The following TMEM163 variants were observed in gnomAD, a reference collection of about 807,000 sequenced individuals.
The protein encoded by TMEM163 is transmembrane protein 163.
Under a neutral mutation model 29.3 loss-of-function variants are expected in TMEM163, and 17 were observed. That is an observed-to-expected ratio of 0.58 (90% confidence interval 0.40 to 0.87). The LOEUF is 0.87. Ranked by LOEUF, TMEM163 falls within the 40% of genes least tolerant of loss-of-function variation. The pLI, the probability that TMEM163 is intolerant of heterozygous loss-of-function variation, is 0.00. For missense variants in TMEM163, 303 were observed against 381.5 expected, an observed-to-expected ratio of 0.79 and a Z score of 1.71; for synonymous variants, 157 against 160.6, an observed-to-expected ratio of 0.98 and a Z score of 0.17.
At chr2:134,504,122 C>T (rs758196743) in intron 4 of TMEM163, among the ~76,000 whole-genome samples, 1 of 152,064 alleles carries the variant, frequency 6.6e-6, no homozygotes, top group Non-Finnish European at 1.5e-5. Flanking sequence ...AACAGCATGG[C>T]CCCAAATTGC....
At chr2:134,512,864 G>C (rs777160195) in intron 4 of TMEM163, among the ~76,000 whole-genome samples, 2 of 152,214 alleles carry the variant, frequency 1.3e-5, no homozygotes, top group African/African-American at 2.4e-5. Context: ...TGTTCACCAA[G>C]GGCAGAAACA....
chr2:134,551,550 G>A (rs1451394347), intron 3 of TMEM163, among the ~76,000 whole-genome samples: 3 of 152,160 alleles, frequency 2.0e-5, no homozygotes, highest in Admixed American at 6.5e-5. Flanking sequence ...GGGGCCTGGG[G>A]AAACTTCACC....
intron 2 of TMEM163, among the ~76,000 whole-genome samples, chr2:134,656,572 C>T (rs1431250044): frequency 6.6e-6 from 1 of 152,204 alleles, no homozygotes; most frequent in South Asian, 2.1e-4. Flanking sequence ...TGGCTCCTCC[C>T]CCCGCCTTCT....
At chr2:134,467,443 G>A (rs2106474766) in intron 5 of TMEM163, 1 of 152,348 alleles carries the variant, frequency 6.6e-6, no homozygotes, top group East Asian at 1.9e-4. Context: ...TTGGTAACAT[G>A]TGGCCCCTGA....
intron 2 of TMEM163, among the ~76,000 whole-genome samples, chr2:134,570,407 C>A (rs1681392706): frequency 6.6e-6 from 1 of 152,076 alleles, no homozygotes; most frequent in Non-Finnish European, 1.5e-5. Context: ...TCCAAGCTTA[C>A]AGGCATCCAC....
intron 2 of TMEM163, among the ~76,000 whole-genome samples, chr2:134,560,022 C>T (rs752398212): frequency 6.6e-6 from 1 of 152,026 alleles, no homozygotes; most frequent in Non-Finnish European, 1.5e-5. Flanking sequence ...TGGGGCTCCT[C>T]GCTGACCTCC....
intron 4 of TMEM163, among the ~76,000 whole-genome samples, chr2:134,507,335 T>TATAA (rs756894803): frequency 1.4e-4 from 19 of 133,602 alleles, no homozygotes; most frequent in Non-Finnish European, 2.9e-4. Context: ...AAACTCTACC[T>TATAA]CTAAATAAAT....
At chr2:134,616,104 C>T (rs1682604442) in intron 2 of TMEM163, among the ~76,000 whole-genome samples, 1 of 152,142 alleles carries the variant, frequency 6.6e-6, no homozygotes, top group East Asian at 1.9e-4. Flanking sequence ...TGGAAGTGGT[C>T]AAGTCAAAGC....
At chr2:134,687,920 A>G (rs531305380) in intron 2 of TMEM163, among the ~76,000 whole-genome samples, 1 of 152,302 alleles carries the variant, frequency 6.6e-6, no homozygotes, top group South Asian at 2.1e-4. Context: ...AGGGATTTAC[A>G]TGGGGAAGAG....
Position 134,550,639 on chromosome 2 carries a change from A to G in TMEM163, c.389T>C (p.Leu130Pro). Residue 130 changes from leucine (L) to proline (P), a missense_variant, in exon 4 of 8, where the codon CTG becomes CCG. By Grantham distance (98) the Leu-to-Pro change is moderately conservative (BLOSUM62 -3). This residue lies in a region of TMEM163 where 203 missense variants were observed against 294.3 expected (regional missense o/e 0.69). Transcript: ENST00000281924. ...ACGCCACAGGACAATCGCCGATGACAGGACGTCCAGGATGGCATCAAACTA... is the reference window on the plus strand; with the variant it reads ...ACGCCACAGGACAATCGCCGATGACGGGACGTCCAGGATGGCATCAAACTA... ...GFAFDAILDV[L>P]SSAIVLWRYS... is the part of the protein sequence containing the mutation. The G allele has an allele frequency of 6.2e-7, 1 of 1,614,106 alleles. No individual in the cohort carries two copies. The highest frequency in any genetic ancestry group is 8.5e-7 in the Non-Finnish European group (1 of 1,179,970).
intron 2 of TMEM163, among the ~76,000 whole-genome samples, chr2:134,600,195 G>A (rs373441164): frequency 6.6e-6 from 1 of 152,146 alleles, no homozygotes; most frequent in Non-Finnish European, 1.5e-5. Flanking sequence ...AGTGACATGA[G>A]GTCTATATAA....
intron 2 of TMEM163, among the ~76,000 whole-genome samples, chr2:134,702,749 T>C (rs2104893184): frequency 6.6e-6 from 1 of 152,290 alleles, no homozygotes; most frequent in African/African-American, 2.4e-5. Context: ...CAGACAATTT[T>C]TTTAACTTAA....
intron 2 of TMEM163, among the ~76,000 whole-genome samples, chr2:134,683,578 C>T (rs1469040264): frequency 6.6e-6 from 1 of 152,194 alleles, no homozygotes; most frequent in Non-Finnish European, 1.5e-5. Flanking sequence ...TAAATTTCTG[C>T]TTATTAGTGG....
rs1165926340 is a variant in TMEM163 at position 134,489,777 on chromosome 2, T to TATGAAGTTCAGACC, written c.555+13110_555+13123dup. On this transcript the variant is annotated intron_variant, in intron 5 of 7. Transcript: ENST00000281924. ...CATCATCCCCACAGCACAGAGAGGA[T>TATGAAGTTCAGACC]ATGAAGTTCAGACCATGAACGAGGG... Among the ~76,000 whole-genome samples, 5 of 152,298 alleles carry TATGAAGTTCAGACC rather than the reference T, an allele frequency of 3.3e-5. No individual in the cohort carries two copies. In the South Asian group the frequency reaches 8.3e-4, roughly 25 times the overall value.
chr2:134,459,483 G>GGAACA (rs1558909261), intron 6 of TMEM163, among the ~76,000 whole-genome samples: 1 of 152,054 alleles, frequency 6.6e-6, no homozygotes, highest in South Asian at 2.1e-4. Context: ...CTCCTTCCCA[G>GGAACA]ATTGGATTGG....
intron 2 of TMEM163, among the ~76,000 whole-genome samples, chr2:134,711,214 GC>G (rs1684919432): frequency 2.0e-5 from 3 of 152,108 alleles, no homozygotes; most frequent in Admixed American, 2.0e-4. Context: ...TTTAAATACT[GC>G]ATATTAGAAA....
intron 2 of TMEM163, among the ~76,000 whole-genome samples, chr2:134,657,639 C>T (rs1558981369): frequency 6.6e-6 from 1 of 151,884 alleles, no homozygotes; most frequent in African/African-American, 2.4e-5. Context: ...CCCATCTCTA[C>T]TAAATACAAA....
Position 134,576,019 on chromosome 2 carries a change from G to A in TMEM163, c.323-23928C>T, listed in dbSNP as rs569176249. ...AGTGAAAGAAACAAATGACACCCAT[G>A]GGCACAGTAAGATGAGGATTTGAAG... is the stretch of plus-strand genomic sequence containing the variant. On this transcript the variant is annotated intron_variant, in intron 2 of 7. Transcript: ENST00000281924. 3.3e-5 allele frequency among the ~76,000 whole-genome samples: 5 copies of A among 152,224 alleles called. No individual in the cohort carries two copies. In the South Asian group the frequency reaches 1.0e-3, roughly 32 times the overall value.
intron 4 of TMEM163, among the ~76,000 whole-genome samples, chr2:134,548,886 T>C (rs1273887476): frequency 6.6e-6 from 1 of 152,236 alleles, no homozygotes; most frequent in Non-Finnish European, 1.5e-5. Flanking sequence ...AGGAATTTTC[T>C]ACTTGTGACA....
Sources: gnomAD v4.1 joint callset for allele counts (sites outside exome capture counted in the v4.1 genomes callset) on GRCh38, gnomAD v4.1.1 for gene constraint, gnomAD v4.1.1 regional missense constraint, MANE v1.5 for transcripts, NCBI Gene and HGNC (gene_info 2026-07-23, HGNC 2026-07-21) for gene names.